Variants in KCNMA1 observed in about 807,000 individuals in gnomAD.
KCNMA1 encodes the protein potassium calcium-activated channel subfamily M alpha 1, also known as Calcium-activated potassium channel subunit alpha-1.
A neutral mutation model predicts 140.0 loss-of-function variants in KCNMA1; 29 were observed. The observed-to-expected ratio is 0.21, with a 90% CI of 0.15 to 0.28. The LOEUF is 0.28. Among genes scored for constraint, KCNMA1 ranks in the 10% least tolerant of loss-of-function variants. The pLI, the probability that KCNMA1 is intolerant of heterozygous loss-of-function variation, is 1.00. For synonymous variants in KCNMA1, 612 were observed against 611.9 expected (o/e 1.00, Z 0.00); for missense variants, 880 against 1,602.2 (o/e 0.55, Z 7.70).
chr10:77,076,474 C>A (rs1385084460), intron 13 of KCNMA1, among the ~76,000 whole-genome samples: 2 of 152,172 alleles, frequency 1.3e-5, no homozygotes, highest in African/African-American at 2.4e-5. Flanking sequence ...AGAGCATCAG[C>A]CCTTCTATAA....
At chr10:77,543,533 A>C (rs2060680982) in intron 1 of KCNMA1, among the ~76,000 whole-genome samples, 1 of 152,218 alleles carries the variant, frequency 6.6e-6, no homozygotes, top group South Asian at 2.1e-4. Context: ...TCTAGAAGAA[A>C]ACATAACCAA....
intron 12 of KCNMA1, among the ~76,000 whole-genome samples, chr10:77,080,449 G>A (rs1029481417): frequency 6.6e-6 from 1 of 152,076 alleles, no homozygotes; most frequent in Non-Finnish European, 1.5e-5. Context: ...CCCATTTTGG[G>A]GCTCACCTAT....
intron 14 of KCNMA1, among the ~76,000 whole-genome samples, chr10:77,067,489 C>G (rs1386164871): frequency 6.6e-6 from 1 of 152,218 alleles, no homozygotes; most frequent in East Asian, 1.9e-4. Context: ...CTCTCTCTCT[C>G]TCACGCATGT....
At chr10:77,570,503 C>T (rs968535743) in intron 1 of KCNMA1, among the ~76,000 whole-genome samples, 11 of 146,118 alleles carry the variant, frequency 7.5e-5, no homozygotes, top group African/African-American at 1.3e-4. Flanking sequence ...AACCAAACAC[C>T]GCATATTCTC....
intron 25 of KCNMA1, among the ~76,000 whole-genome samples, chr10:76,892,164 G>A (rs539941471): frequency 6.6e-6 from 1 of 152,090 alleles, no homozygotes; most frequent in Non-Finnish European, 1.5e-5. Context: ...TCCTCCCCAC[G>A]ACAACGGCAA....
At chr10:77,520,126 A>ATGCAGTGTGAGGGTG (rs2052535780) in intron 1 of KCNMA1, among the ~76,000 whole-genome samples, 1 of 49,624 alleles carries the variant, frequency 2.0e-5, no homozygotes, top group Non-Finnish European at 4.2e-5. Flanking sequence ...GGTCCGGGGT[A>ATGCAGTGTGAGGGTG]TGCAGTGTGA....
At chr10:77,329,502 A>G (rs2085499978) in intron 2 of KCNMA1, among the ~76,000 whole-genome samples, 4 of 152,234 alleles carry the variant, frequency 2.6e-5, no homozygotes, top group African/African-American at 9.6e-5. Context: ...ATCACCAGGC[A>G]TGGCATCAGT....
intron 9 of KCNMA1, among the ~76,000 whole-genome samples, chr10:77,099,127 C>T (rs2097022196): frequency 6.6e-6 from 1 of 152,058 alleles, no homozygotes; most frequent in Admixed American, 6.5e-5. Context: ...AGGTCAGCCT[C>T]ACTCTTCAGG....
At chr10:77,347,050 A>G (rs1042369093) in intron 2 of KCNMA1, among the ~76,000 whole-genome samples, 1 of 152,206 alleles carries the variant, frequency 6.6e-6, no homozygotes, top group Non-Finnish European at 1.5e-5. Context: ...ATCTGGCTTT[A>G]TGACCTTGGG....
chr10:77,242,563 TTGC>T (rs1171884883), intron 3 of KCNMA1, among the ~76,000 whole-genome samples: 1 of 152,244 alleles, frequency 6.6e-6, no homozygotes, highest in Non-Finnish European at 1.5e-5. Flanking sequence ...CATTGATATA[TTGC>T]TTAGCGATGC....
chr10:77,070,947 C>G (rs1011661935), intron 14 of KCNMA1, among the ~76,000 whole-genome samples: 1 of 152,124 alleles, frequency 6.6e-6, no homozygotes. Flanking sequence ...ACACAAAGAC[C>G]ATCTCAGTGT....
intron 1 of KCNMA1, among the ~76,000 whole-genome samples, chr10:77,452,101 C>T (rs1364495351): frequency 1.3e-5 from 2 of 152,170 alleles, no homozygotes; most frequent in Non-Finnish European, 2.9e-5. Flanking sequence ...CAAAATTCAA[C>T]AAGACCCTGC....
intron 1 of KCNMA1, among the ~76,000 whole-genome samples, chr10:77,599,307 G>A (rs1227361772): frequency 6.6e-6 from 1 of 152,154 alleles, no homozygotes; most frequent in Non-Finnish European, 1.5e-5. Context: ...TTTAATATCT[G>A]ACCTTTGGCC....
chr10:77,083,922 G>A (rs1365578726), intron 12 of KCNMA1, among the ~76,000 whole-genome samples: 4 of 152,016 alleles, frequency 2.6e-5, no homozygotes, highest in African/African-American at 7.3e-5. Flanking sequence ...TCTATAGTAC[G>A]TTATCTCAGA....
At chr10:77,067,976 G>A (rs2096021848) in intron 14 of KCNMA1, among the ~76,000 whole-genome samples, 2 of 152,176 alleles carry the variant, frequency 1.3e-5, no homozygotes, top group African/African-American at 4.8e-5. Context: ...TAAGATTTGT[G>A]CTAAGATGAT....
intron 1 of KCNMA1, among the ~76,000 whole-genome samples, chr10:77,596,631 C>CT (rs1276230506): frequency 6.6e-6 from 1 of 152,186 alleles, no homozygotes; most frequent in East Asian, 1.9e-4. Context: ...CCTTAAGATG[C>CT]TACGGGAGCA....
At chr10:77,404,234 ATATCT>A (rs1448082978) in intron 1 of KCNMA1, among the ~76,000 whole-genome samples, 3 of 152,172 alleles carry the variant, frequency 2.0e-5, no homozygotes, top group Non-Finnish European at 4.4e-5. Flanking sequence ...TCCTCTTAAA[ATATCT>A]TAGTGAAACA....
At chr10:76,943,653 C>T (rs1260425823) in intron 23 of KCNMA1, among the ~76,000 whole-genome samples, 2 of 152,200 alleles carry the variant, frequency 1.3e-5, no homozygotes, top group Non-Finnish European at 2.9e-5. Flanking sequence ...CATCTCCCAC[C>T]AGCTGACTCT....
intron 2 of KCNMA1, among the ~76,000 whole-genome samples, chr10:77,324,971 C>CTCTCTCTG (rs766240356): frequency 7.6e-4 from 69 of 90,442 alleles, no homozygotes; most frequent in African/African-American, 2.8e-3. Context: ...CTCTCTCTCT[C>CTCTCTCTG]TGTGTGTGTG....
Sources: allele counts gnomAD v4.1 joint callset (sites outside exome capture counted in the v4.1 genomes callset), GRCh38; gene constraint gnomAD v4.1.1; transcripts MANE v1.5; gene names NCBI Gene and HGNC (gene_info 2026-07-23, HGNC 2026-07-21).